The following STAG3 variants were observed in gnomAD, a reference collection of about 807,000 sequenced individuals.
STAG3 encodes STAG3 cohesin complex component.
Under a neutral mutation model 160.7 loss-of-function variants are expected in STAG3, and 101 were observed. That is an observed-to-expected ratio of 0.63 (90% CI 0.54 to 0.74). The LOEUF (loss-of-function observed/expected upper bound fraction) is 0.74. STAG3 is among the 30% of genes least tolerant of loss of function. STAG3 has a pLI of 0.00. For synonymous variants in STAG3, 519 were observed against 585.0 expected, an observed-to-expected ratio of 0.89 and a Z score of 1.63; for missense variants, 1,188 against 1,517.4, an observed-to-expected ratio of 0.78 and a Z score of 3.61.
intron 18 of STAG3, 34 bp downstream of exon 18, chr7:100,200,576 G>T: frequency 6.2e-7 from 1 of 1,602,476 alleles, no homozygotes; most frequent in Non-Finnish European, 8.5e-7. Context: ...CTTGCTGCTT[G>T]CCTGCCAGGG....
chr7:100,204,705 GC>G lies in STAG3; in HGVS notation c.2884del (p.Arg962GlyfsTer5). On this transcript the variant is annotated frameshift_variant, in exon 27 of 34. Transcript: ENST00000615138. LOFTEE classifies it high-confidence loss of function. The part of the protein sequence containing the change: ...LPAFIEMRDL[A>X]RRFALSFGPQ... The stretch of plus-strand genomic sequence containing the variant: ...TGCCTTCATCGAGATGAGGGACCTG[GC>G]CCGGAGGTTTGCCTTGAGTTTTGGA... 1 of 1,614,160 alleles carries G rather than the reference GC, an allele frequency of 6.2e-7. No individual in the cohort carries two copies. Among genetic ancestry groups the G allele is most frequent in the Non-Finnish European group, 8.5e-7 (1 of 1,180,026 alleles).
At chr7:100,208,382 G>A (rs902161512) in intron 29 of STAG3, among the ~76,000 whole-genome samples, 33 of 152,182 alleles carry the variant, frequency 2.2e-4, no homozygotes, top group African/African-American at 7.5e-4. Flanking sequence ...TAATAGGAAA[G>A]GGAGAAATTT....
intron 5 of STAG3, among the ~76,000 whole-genome samples, chr7:100,187,322 CTG>C (rs1173519330): frequency 2.0e-5 from 3 of 151,484 alleles, no homozygotes; most frequent in African/African-American, 7.3e-5. Context: ...CGCGCCTGGC[CTG>C]TTTTTTGGTT....
downstream of STAG3, chr7:100,215,142 G>A (rs1342608554): frequency 6.6e-6 from 1 of 152,208 alleles, no homozygotes; most frequent in African/African-American, 2.4e-5. Flanking sequence ...TTCTTCTGTG[G>A]TTTAAGGAAT....
At chr7:100,213,646 A>G (rs1483838633) in intron 32 of STAG3, 89 bp from the exon 33 acceptor site, 1 of 1,599,222 alleles carries the variant, frequency 6.3e-7, no homozygotes, top group East Asian at 2.2e-5. Context: ...ATTTGTTCTT[A>G]TGAGGCTGGG....
chr7:100,205,017 G>A lies in STAG3; in HGVS notation c.2964G>A (p.Gln988=). The A allele has an allele frequency of 1.9e-6, 3 of 1,613,764 alleles. No homozygotes were observed. Among genetic ancestry groups the A allele is most frequent in the South Asian group, 1.1e-5 (1 of 91,066 alleles). ...LVVMLHKEGI[Q]FSLSELPPAG... ...CTGCCCAACCAAGGGAAGGCATCCA[G>A]TTCTCCTTGTCTGAGCTTCCTCCAG... is the stretch of plus-strand genomic sequence containing the variant. The change falls in exon 28 of 34, where the codon CAG becomes CAA. Residue 988 remains glutamine (Q), a synonymous_variant. Transcript: ENST00000615138.
chr7:100,200,120 C>G (rs1478609282), intron 16 of STAG3, 116 bp from the exon 17 acceptor site: 6 of 634,774 alleles, frequency 9.5e-6, no homozygotes, highest in Non-Finnish European at 1.6e-5. Context: ...CTCGTGGGAG[C>G]TACTGAGTTC....
At chr7:100,202,718 A>T in intron 25 of STAG3, 128 bp downstream of exon 25, 1 of 1,245,766 alleles carries the variant, frequency 8.0e-7, no homozygotes, top group Non-Finnish European at 1.1e-6. Context: ...AGTAGGAGGG[A>T]AAGGCACTGG....
At chr7:100,210,165 G>A (rs1802047768) in intron 29 of STAG3, among the ~76,000 whole-genome samples, 1 of 152,174 alleles carries the variant, frequency 6.6e-6, no homozygotes, top group African/African-American at 2.4e-5. Flanking sequence ...CACATCTGGG[G>A]CCCCAAGGTT....
chr7:100,189,783 C>G (rs925541859), intron 8 of STAG3, among the ~76,000 whole-genome samples, 187 bp downstream of exon 8: 1 of 151,914 alleles, frequency 6.6e-6, no homozygotes, highest in African/African-American at 2.4e-5. Context: ...GTGGGCTCAA[C>G]AAATAATGTG....
chr7:100,209,204 CTT>C (rs781544872), intron 29 of STAG3, among the ~76,000 whole-genome samples: 8 of 152,236 alleles, frequency 5.3e-5, no homozygotes, highest in East Asian at 1.9e-4. Context: ...ACACACAACA[CTT>C]TCACTCTGAG....
Position 100,186,198 on chromosome 7 carries a change from A to G in STAG3, c.337-2A>G, listed in dbSNP as rs1296715259. 1 of 1,610,116 alleles carries G rather than the reference A, an allele frequency of 6.2e-7. No homozygotes were observed. The highest frequency in any genetic ancestry group is 1.3e-5 in the African/African-American group (1 of 74,546). On this transcript the variant is annotated splice_acceptor_variant, in intron 4 of 33. Transcript: ENST00000615138. LOFTEE classifies it high-confidence loss of function. ...GAAGTCATCTACATTTTTTTTCCCT[A>G]GTCTTTGGTAGATGAGTGGCTGGAT...
chr7:100,180,884 T>TG (rs537799044), intron 2 of STAG3: 3,865 of 356,626 alleles, frequency 0.011, 35 homozygotes, highest in Non-Finnish European at 0.016. Context: ...CATCCTGTTT[T>TG]TTTTTTTTTT....
intron 29 of STAG3, among the ~76,000 whole-genome samples, chr7:100,208,011 G>A (rs1008327760): frequency 6.6e-6 from 1 of 152,130 alleles, no homozygotes; most frequent in African/African-American, 2.4e-5. Context: ...AGCCACTCGG[G>A]AGGCTGAGGC....
chr7:100,197,708 G>C, intron 10 of STAG3, 70 bp from the exon 11 acceptor site: 1 of 1,267,284 alleles, frequency 7.9e-7, no homozygotes. Context: ...GGGGAGTCTG[G>C]AGGCTTAGTA....
chr7:100,184,763 G>C (rs1799888913), intron 4 of STAG3, among the ~76,000 whole-genome samples: 1 of 151,560 alleles, frequency 6.6e-6, no homozygotes, highest in East Asian at 2.0e-4. Context: ...ACCATGCCTG[G>C]CCTTTTATTT....
Position 100,211,077 on chromosome 7 carries a change from T to TACCC in STAG3, c.3305_3306insACCC (p.Thr1105AlafsTer87). The TACCC allele has an allele frequency of 5.0e-6, 8 of 1,600,780 alleles. No homozygotes were observed. The highest frequency in any genetic ancestry group is 6.8e-6 in the Non-Finnish European group (8 of 1,168,800). On this transcript the variant is annotated frameshift_variant, in exon 30 of 34. Coordinates refer to ENST00000615138, the MANE Select transcript of STAG3 (RefSeq NM_001282717.2). LOFTEE classifies it high-confidence loss of function. ...GAAGAAAGTCTGCAGCTGAACAGCA[T>TACCC]CCCGCCCACGCCCACCCTCACCTCC...
chr7:100,214,127 G>T lies in STAG3; in HGVS notation c.*112G>T. Reference sequence around the variant, plus strand: ...AGCATTCCCCCAGGCTTCAGCCCTGGGCTCTGAGGGGAAAGAGTTGGGCAT... The same window carrying T: ...AGCATTCCCCCAGGCTTCAGCCCTGTGCTCTGAGGGGAAAGAGTTGGGCAT... On this transcript the variant is annotated 3_prime_UTR_variant, in exon 34 of 34. Transcript: ENST00000615138. The T allele has an allele frequency of 1.4e-6, 2 of 1,416,618 alleles. No individual in the cohort carries two copies. 87.8% of individuals were successfully genotyped at this position (1,416,618 alleles called of 1,614,324 possible). A position where few individuals can be genotyped will look rare whatever the true frequency, so the allele number is the denominator to read the frequency against.
rs771770997 is a variant in STAG3 at position 100,200,268 on chromosome 7, C to T, written c.1710C>T (p.Ala570=). 31 of 1,613,102 alleles carry T rather than the reference C, an allele frequency of 1.9e-5. No individual in the cohort carries two copies. Among genetic ancestry groups the T allele is most frequent in the Non-Finnish European group, 2.1e-5 (25 of 1,179,960 alleles). The change falls in exon 17 of 34, where the codon GCC becomes GCT. Residue 570 remains alanine, a synonymous_variant. Coordinates refer to ENST00000615138, the MANE Select transcript of STAG3 (RefSeq NM_001282717.2). ...GLTSKERKTQ[A]DDRVKLTEHL... ...CCTCTAAGGAGCGCAAGACCCAAGC[C>T]GATGACAGGGTGAAGTTGACTGAGC...
Sources: allele counts gnomAD v4.1 joint callset (sites outside exome capture counted in the v4.1 genomes callset), GRCh38; gene constraint gnomAD v4.1.1; transcripts MANE v1.5; gene names NCBI Gene and HGNC (gene_info 2026-07-23, HGNC 2026-07-21).